The following ASPM variants were observed in gnomAD, a reference collection of about 807,000 sequenced individuals.
ASPM encodes abnormal spindle-like microcephaly-associated protein.
ASPM carries 256 observed loss-of-function variants against 366.4 expected under a neutral mutation model. That is an observed-to-expected ratio of 0.70 (90% confidence interval 0.63 to 0.77). ASPM has a LOEUF of 0.77. Ranked by LOEUF, ASPM falls within the 30% of genes least tolerant of loss-of-function variation. ASPM has a pLI of 0.00. For synonymous variants in ASPM, 1,414 were observed against 1,342.9 expected (o/e 1.05, Z -1.16); for missense variants, 4,146 against 4,090.4 (o/e 1.01, Z -0.37).
Position 197,129,336 on chromosome 1 carries a change from A to G in ASPM, c.2630-19T>C. 6.2e-7 allele frequency: 1 copy of G among 1,609,696 alleles called. No homozygotes were observed. Among genetic ancestry groups the G allele is most frequent in the Non-Finnish European group, 8.5e-7 (1 of 1,176,952 alleles). On this transcript the variant is annotated intron_variant, in intron 8 of 27. Coordinates refer to ENST00000367409, the MANE Select transcript of ASPM (RefSeq NM_018136.5). ...TCATGACCTTAAATAAAGTACAAAA[A>G]AGCACAGCAAGTTAATCTATGAAAG...
In ASPM at chr1:197,143,981, A is replaced by T. The variant is rs771571592; in HGVS notation, c.417T>A (p.Asn139Lys). The T allele has an allele frequency of 1.2e-6, 2 of 1,607,984 alleles. No individual in the cohort carries two copies. The highest frequency in any genetic ancestry group is 1.7e-6 in the Non-Finnish European group (2 of 1,174,708). ...CCTTTTTCTTTTTCTGCTCTTCTGC[A>T]TTTCCTAGTAATATAGCTTGGTGTT... ...VLKHQAILLG[N>K]AEEQKKKKRS... is the part of the protein sequence containing the mutation. The change falls in exon 2 of 28, where the codon AAT becomes AAA. Residue 139 changes from asparagine to lysine, a missense_variant. Physicochemically the swap from Asn to Lys is moderately conservative, Grantham distance 94. Transcript: ENST00000367409.
At chr1:197,142,218 C>A in intron 3 of ASPM, 113 bp downstream of exon 3, 1 of 1,155,924 alleles carries the variant, frequency 8.7e-7, no homozygotes. Flanking sequence ...GGAAATGTAC[C>A]CAGCAAATAA....
rs1246481892 is a variant in ASPM at position 197,129,205 on chromosome 1, A to G, written c.2742T>C (p.Cys914=). 6.2e-7 allele frequency: 1 copy of G among 1,612,478 alleles called. No individual in the cohort carries two copies. The highest frequency in any genetic ancestry group is 8.5e-7 in the Non-Finnish European group (1 of 1,178,870). The change falls in exon 9 of 28, where the codon TGT becomes TGC. Residue 914 remains cysteine, a synonymous_variant. Coordinates refer to ENST00000367409, the MANE Select transcript of ASPM (RefSeq NM_018136.5). ...RLIDHDPCLF[C]KDAEFKASKE... is the part of the protein sequence containing the mutation. ...AGCATACCTTGAATTCGGCATCTTTACAGAAGAGACAAGGATCATGATCAA... is the reference window on the plus strand; with the variant it reads ...AGCATACCTTGAATTCGGCATCTTTGCAGAAGAGACAAGGATCATGATCAA...
chr1:197,114,483 G>A (rs1017818810), intron 17 of ASPM, among the ~76,000 whole-genome samples: 3 of 152,228 alleles, frequency 2.0e-5, no homozygotes, highest in African/African-American at 7.2e-5. Context: ...TTTACCCAAA[G>A]TAGAGATTCT....
Position 197,139,842 on chromosome 1 carries a change from T to C in ASPM, c.1951A>G (p.Lys651Glu), listed in dbSNP as rs1182486967. The C allele has an allele frequency of 6.2e-6, 10 of 1,610,170 alleles. No individual in the cohort carries two copies. The highest frequency in any genetic ancestry group is 1.7e-5 in the Admixed American group (1 of 60,004). ...DLSIFRTPIS[K>E]TNKRTKPIIA... ...ATGGGTTTTGTCCTTTTGTTTGTTT[T>C]AGAAATTGGAGTTCTGAATATTGAT... The change falls in exon 4 of 28, where the codon AAA becomes GAA. Residue 651 changes from lysine (K) to glutamate (E), a missense_variant. This residue lies in a region of ASPM where 3,624 missense variants were observed against 3,591.7 expected (regional missense o/e 1.01). Transcript: ENST00000367409.
intron 16 of ASPM, among the ~76,000 whole-genome samples, chr1:197,119,836 T>C (rs1648552525): frequency 6.6e-6 from 1 of 152,124 alleles, no homozygotes; most frequent in African/African-American, 2.4e-5. Flanking sequence ...CAAAGTTTCT[T>C]TGTCATAATA....
At chr1:197,132,651 C>T (rs1658297828) in intron 6 of ASPM, among the ~76,000 whole-genome samples, 1 of 151,570 alleles carries the variant, frequency 6.6e-6, no homozygotes, top group Admixed American at 6.6e-5. Flanking sequence ...CCACAATATC[C>T]AAGATATGGA....
chr1:197,098,013 TATACAC>T (rs1190670167), intron 18 of ASPM, among the ~76,000 whole-genome samples: 4 of 149,492 alleles, frequency 2.7e-5, no homozygotes, highest in African/African-American at 4.9e-5. Flanking sequence ...TATATATATA[TATACAC>T]ACACACACAT....
intron 3 of ASPM, among the ~76,000 whole-genome samples, chr1:197,141,853 G>A (rs1410071841): frequency 6.6e-6 from 1 of 152,064 alleles, no homozygotes; most frequent in Non-Finnish European, 1.5e-5. Context: ...CCTTAGATTT[G>A]TCAAGAGGTA....
At position 197,146,614 on chromosome 1, in the gene ASPM, C is replaced by A. The variant is rs80055790; in HGVS notation, c.-177G>T. 9 of 671,036 alleles carry A rather than the reference C, an allele frequency of 1.3e-5. No homozygotes were observed. Among genetic ancestry groups the A allele is most frequent in the African/African-American group, 9.1e-5 (5 of 55,012 alleles). 41.6% of individuals were successfully genotyped at this position (671,036 alleles called of 1,614,324 possible). On this transcript the variant is annotated 5_prime_UTR_variant, in exon 1 of 28. Transcript: ENST00000367409. ...TACTCCCTAGAAAACAGAAAACAAG[C>A]CCAATAAACTCGCAAATTAAAAAGA... is the stretch of plus-strand genomic sequence containing the variant.
intron 10 of ASPM, among the ~76,000 whole-genome samples, chr1:197,127,582 G>A (rs1658128116): frequency 6.6e-6 from 1 of 152,088 alleles, no homozygotes; most frequent in South Asian, 2.1e-4. Flanking sequence ...CTCCAACCCA[G>A]ATACCCTGAA....
chr1:197,146,277 T>C lies in ASPM; in HGVS notation c.161A>G (p.Asp54Gly). 6.2e-7 allele frequency: 1 copy of C among 1,613,954 alleles called. No homozygotes were observed. The highest frequency in any genetic ancestry group is 8.5e-7 in the Non-Finnish European group (1 of 1,179,994). The change falls in exon 1 of 28, where the codon GAC (aspartate) becomes GGC (glycine). Residue 54 changes from aspartate to glycine, a missense_variant. Physicochemically the swap from Asp to Gly is moderately conservative, Grantham distance 94 (BLOSUM62 -1). Coordinates refer to ENST00000367409, the MANE Select transcript of ASPM (RefSeq NM_018136.5). ...CGTCCGTGAGGCTCCCAGGAGAACG[T>C]CCCCGAAGCAAAGGAAAGGAGACCT... ...FCRSPFLCFG[D>G]VLLGASRTLS...
At position 197,090,855 on chromosome 1, in the gene ASPM, T is replaced by C; in HGVS notation, c.9631A>G (p.Ile3211Val). 6.2e-7 allele frequency: 1 copy of C among 1,612,416 alleles called. No individual in the cohort carries two copies. The highest frequency in any genetic ancestry group is 8.5e-7 in the Non-Finnish European group (1 of 1,178,896). The change falls in exon 23 of 28, where the codon ATT becomes GTT. Residue 3211 changes from isoleucine to valine, a missense_variant. Around this residue, in one of 3 missense-constraint regions of ASPM, gnomAD observed 3,624 missense variants for 3,591.7 expected, o/e 1.01. Coordinates refer to ENST00000367409, the MANE Select transcript of ASPM (RefSeq NM_018136.5). ...QEKFTSGIIK[I>V]QALWRGYSWR... ...ACTATACAAGTTTCAATTACCTGAA[T>C]TTTAATGATTCCACTAGTGAATTTT...
chr1:197,102,855 T>C lies in ASPM; in HGVS notation c.6396A>G (p.Ser2132=). ...TTCTCATTGTATGGTAACTTATTCTTGACTGATGCATTTTAAACATGGCTT... is the reference window on the plus strand; with the variant it reads ...TTCTCATTGTATGGTAACTTATTCTCGACTGATGCATTTTAAACATGGCTT... ...FIKAMFKMHQ[S]RISYHTMRKA... is the part of the protein sequence containing the mutation. The change falls in exon 18 of 28, where the codon TCA becomes TCG. Residue 2132 remains serine, a synonymous_variant. Transcript: ENST00000367409. 2 of 1,612,590 alleles carry C rather than the reference T, an allele frequency of 1.2e-6. No individual in the cohort carries two copies. The highest frequency in any genetic ancestry group is 2.2e-5 in the South Asian group (2 of 91,066).
At chr1:197,132,967 TG>T (rs978011745) in intron 6 of ASPM, among the ~76,000 whole-genome samples, 68 of 152,120 alleles carry the variant, frequency 4.5e-4, no homozygotes, top group African/African-American at 1.6e-3. Flanking sequence ...TGCCAGAGAA[TG>T]GGGTAGAGGG....
chr1:197,118,169 C>T (rs145320891), intron 16 of ASPM, among the ~76,000 whole-genome samples, 186 bp from the exon 17 acceptor site: 1 of 152,136 alleles, frequency 6.6e-6, no homozygotes, highest in East Asian at 1.9e-4. Context: ...GATAGGTGGG[C>T]TTGCAGATAT....
In ASPM at chr1:197,107,663, TACA is replaced by T. The variant is rs368166662; in HGVS notation, c.4066-2481_4066-2479del. ...TTTAGAGCAGATAAAGTAAAAATGCTACAACAAGTTGAAACTAATGGAAAGATA... is the reference window on the plus strand; with the variant it reads ...TTTAGAGCAGATAAAGTAAAAATGCTACAAGTTGAAACTAATGGAAAGATA... On this transcript the variant is annotated intron_variant, in intron 17 of 27. Coordinates refer to ENST00000367409, the MANE Select transcript of ASPM (RefSeq NM_018136.5). Among the ~76,000 whole-genome samples the T allele has an allele frequency of 4.2e-3, 644 of 152,190 alleles. 5 individuals carry two copies. The highest frequency in any genetic ancestry group is 0.015 in the African/African-American group (625 of 41,534).
At position 197,097,816 on chromosome 1, in the gene ASPM, T is replaced by G. The variant is rs948912673; in HGVS notation, c.8821-1652A>C. ...AAAGGAGAATGTTTTGTGGACCATT[T>G]TGGTGTTTTTGTTTTTGTTTTGCTT... On this transcript the variant is annotated intron_variant, in intron 18 of 27. Coordinates refer to ENST00000367409, the MANE Select transcript of ASPM (RefSeq NM_018136.5). 3.3e-5 allele frequency among the ~76,000 whole-genome samples: 5 copies of G among 151,770 alleles called. No homozygotes were observed. The Admixed American group carries it at 3.3e-4, about 10-fold the overall frequency.
intron 16 of ASPM, 72 bp from the exon 17 acceptor site, chr1:197,118,055 C>T (rs2125102553): frequency 1.4e-6 from 2 of 1,405,090 alleles, no homozygotes; most frequent in South Asian, 1.2e-5. Flanking sequence ...TGTAAGATAA[C>T]CATATGTTAA....
Sources: allele counts gnomAD v4.1 joint callset (sites outside exome capture counted in the v4.1 genomes callset), GRCh38; gene constraint gnomAD v4.1.1; regional missense constraint gnomAD v4.1.1; transcripts MANE v1.5; gene names NCBI Gene and HGNC (gene_info 2026-07-23, HGNC 2026-07-21).